DAB2IP: variants seen among roughly 807,000 people sequenced by gnomAD.
DAB2IP encodes disabled homolog 2-interacting protein.
In DAB2IP, 28 loss-of-function variants were observed where a neutral mutation model predicts 107.2. The ratio of observed to expected loss-of-function variants is 0.26; its 90% confidence interval spans 0.19 to 0.36. DAB2IP has a LOEUF of 0.36. Among genes scored for constraint, DAB2IP ranks in the 10% least tolerant of loss-of-function variants. The probability of loss-of-function intolerance (pLI) is 1.00; values close to 1 mark genes in which losing one functional copy is unlikely to be tolerated. For missense variants in DAB2IP, 1,400 were observed against 1,644.7 expected, an observed-to-expected ratio of 0.85 and a Z score of 2.57; for synonymous variants, 755 against 706.4, an observed-to-expected ratio of 1.07 and a Z score of -1.09.
chr9:121,681,852 C>T (rs80217921), intron 2 of DAB2IP, among the ~76,000 whole-genome samples: 7 of 152,268 alleles, frequency 4.6e-5, no homozygotes, highest in African/African-American at 7.2e-5. Flanking sequence ...TGAGCCTCTC[C>T]GAGCCTTGTG....
chr9:121,647,248 C>A (rs1278393302), upstream of DAB2IP, among the ~76,000 whole-genome samples: 1 of 152,176 alleles, frequency 6.6e-6, no homozygotes, highest in Non-Finnish European at 1.5e-5. Context: ...AATGGCCCAT[C>A]AATGAAGGCT....
chr9:121,581,373 G>T (rs575402593), intron 1 of DAB2IP, among the ~76,000 whole-genome samples: 3 of 152,342 alleles, frequency 2.0e-5, no homozygotes, highest in Admixed American at 1.3e-4. Context: ...CTCAACTTGT[G>T]GGGGAGCAGG....
chr9:121,666,754 A>G (rs1295349744), intron 1 of DAB2IP, among the ~76,000 whole-genome samples: 1 of 152,080 alleles, frequency 6.6e-6, no homozygotes, highest in Non-Finnish European at 1.5e-5. Flanking sequence ...TCCCAGAACT[A>G]AAAGTAAAAT....
intron 1 of DAB2IP, among the ~76,000 whole-genome samples, chr9:121,571,757 T>A (rs1452482213): frequency 6.6e-6 from 1 of 151,892 alleles, no homozygotes; most frequent in East Asian, 1.9e-4. Flanking sequence ...CAGGCAGGAC[T>A]GAGCAGAGCC....
intron 1 of DAB2IP, among the ~76,000 whole-genome samples, chr9:121,576,991 A>G (rs1282370143): frequency 6.6e-6 from 1 of 152,146 alleles, no homozygotes; most frequent in Admixed American, 6.5e-5. Context: ...CTCCCCCAGG[A>G]AGCCAGCCTG....
chr9:121,682,398 G>A (rs371545429), intron 2 of DAB2IP, among the ~76,000 whole-genome samples: 2 of 152,212 alleles, frequency 1.3e-5, no homozygotes, highest in South Asian at 2.1e-4. Context: ...AATGAGTCAC[G>A]GTGTAAGGTC....
intron 1 of DAB2IP, among the ~76,000 whole-genome samples, chr9:121,652,382 A>G (rs1468034931): frequency 6.6e-6 from 1 of 152,128 alleles, no homozygotes; most frequent in Non-Finnish European, 1.5e-5. Context: ...GGTGGGCGCC[A>G]GCTCCTTTGC....
intron 1 of DAB2IP, among the ~76,000 whole-genome samples, chr9:121,654,427 A>G (rs1198618551): frequency 6.6e-6 from 1 of 152,036 alleles, no homozygotes; most frequent in East Asian, 1.9e-4. Flanking sequence ...CCCTGTCTCA[A>G]TATTGTTTTT....
chr9:121,774,677 G>A (rs866566109), intron 13 of DAB2IP, among the ~76,000 whole-genome samples: 2 of 152,186 alleles, frequency 1.3e-5, no homozygotes, highest in Admixed American at 6.5e-5. Context: ...ACAGACTCCT[G>A]GGACCTCTGG....
At chr9:121,579,477 G>A (rs1830142178) in intron 1 of DAB2IP, among the ~76,000 whole-genome samples, 1 of 151,870 alleles carries the variant, frequency 6.6e-6, no homozygotes, top group Non-Finnish European at 1.5e-5. Flanking sequence ...CCTCACATCT[G>A]TGTGTCCTCA....
chr9:121,667,330 C>T (rs2119107062), intron 1 of DAB2IP, among the ~76,000 whole-genome samples: 1 of 152,088 alleles, frequency 6.6e-6, no homozygotes, highest in Non-Finnish European at 1.5e-5. Flanking sequence ...CACGCCTGGC[C>T]TGCATGGTGT....
Position 121,599,330 on chromosome 9 carries a change from C to T in DAB2IP, c.40+32102C>T, listed in dbSNP as rs924161103. On this transcript the variant is annotated intron_variant, in intron 1 of 16. Transcript: ENST00000259371. This position sits in a 1 kb window ranked among gnomAD's most constrained non-coding sequence, Gnocchi z 6.9. ...CTCGGGCCGGCACCAGGCTGGGGAG[C>T]GTGTGCTCGGAGCGGAGGGCCTCGG... Among the ~76,000 whole-genome samples the T allele has an allele frequency of 6.6e-6, 1 of 152,254 alleles. No homozygotes were observed. Among genetic ancestry groups the T allele is most frequent in the East Asian group, 1.9e-4 (1 of 5,160 alleles).
exon 6 of DAB2IP, chr9:121,759,984 G>C (rs752730852): frequency 1.2e-6 from 2 of 1,614,106 alleles, no homozygotes; most frequent in African/African-American, 2.7e-5. Flanking sequence ...GTGCCTGGAC[G>C]ATGTGCTCTA....
At chr9:121,668,518 T>C (rs991953450) in intron 1 of DAB2IP, among the ~76,000 whole-genome samples, 1 of 152,034 alleles carries the variant, frequency 6.6e-6, no homozygotes, top group South Asian at 2.1e-4. Flanking sequence ...GGATTACAGG[T>C]GTGAGCCACT....
At chr9:121,605,509 T>C (rs1034556125) in intron 1 of DAB2IP, among the ~76,000 whole-genome samples, 1 of 151,734 alleles carries the variant, frequency 6.6e-6, no homozygotes, top group East Asian at 1.9e-4. Context: ...TTATTGTTGG[T>C]TTTTTTTGAG....
chr9:121,593,876 C>G (rs1016062271), intron 1 of DAB2IP, among the ~76,000 whole-genome samples: 1 of 151,852 alleles, frequency 6.6e-6, no homozygotes, highest in Admixed American at 6.6e-5. Context: ...CTATTTTGAC[C>G]AGGCTGGTCT....
chr9:121,611,141 A>G (rs1363195192), intron 1 of DAB2IP, among the ~76,000 whole-genome samples: 1 of 152,070 alleles, frequency 6.6e-6, no homozygotes, highest in African/African-American at 2.4e-5. Context: ...ACGCCCGGCT[A>G]ATTGTAATTT....
chr9:121,584,046 G>T (rs1830262890), intron 1 of DAB2IP, among the ~76,000 whole-genome samples: 1 of 151,978 alleles, frequency 6.6e-6, no homozygotes, highest in African/African-American at 2.4e-5. Flanking sequence ...GCGTGGTGGT[G>T]CACGCCTGTA....
chr9:121,763,841 C>T (rs376330730), exon 8 of DAB2IP: 1 of 1,614,044 alleles, frequency 6.2e-7, no homozygotes, highest in Non-Finnish European at 8.5e-7. Flanking sequence ...TCAAGATGTG[C>T]TGCGAGCTGG....
Sources: gnomAD v4.1 joint callset for allele counts (sites outside exome capture counted in the v4.1 genomes callset) on GRCh38, gnomAD v4.1.1 for gene constraint, Gnocchi (gnomAD v3.1) non-coding constraint, MANE v1.5 for transcripts, NCBI Gene and HGNC (gene_info 2026-07-23, HGNC 2026-07-21) for gene names.